The following COL17A1 variants were observed in gnomAD, a reference collection of about 807,000 sequenced individuals.
COL17A1 encodes the protein collagen type XVII alpha 1 chain.
COL17A1 carries 181 observed loss-of-function variants against 218.4 expected under a neutral mutation model. That is an observed-to-expected ratio of 0.83 (90% CI 0.73 to 0.94). The LOEUF (loss-of-function observed/expected upper bound fraction) is 0.94. Ranked by LOEUF, COL17A1 falls within the 40% of genes least tolerant of loss-of-function variation. COL17A1 has a pLI of 0.00. For synonymous variants in COL17A1, 721 were observed against 731.0 expected, an observed-to-expected ratio of 0.99 and a Z score of 0.22; for missense variants, 1,924 against 1,945.9, an observed-to-expected ratio of 0.99 and a Z score of 0.21.
At chr10:104,041,209 A>G (rs1210495054) in intron 38 of COL17A1, 91 bp from the exon 39 acceptor site, 4 of 1,608,366 alleles carry the variant, frequency 2.5e-6, no homozygotes, top group Admixed American at 1.7e-5. Flanking sequence ...GCTCTTTCCT[A>G]TAAGCCAGCC....
At chr10:104,033,204 G>A (rs769908993) in intron 53 of COL17A1, 34 bp downstream of exon 53, 4 of 1,570,422 alleles carry the variant, frequency 2.5e-6, no homozygotes, top group Non-Finnish European at 2.6e-6. Context: ...TATGCAGTGA[G>A]GCAGGTGCTG....
chr10:104,041,279 C>T, intron 38 of COL17A1, 24 bp downstream of exon 38: 1 of 1,603,864 alleles, frequency 6.2e-7, no homozygotes, highest in Non-Finnish European at 8.5e-7. Context: ...CCTCCCACCT[C>T]CCAGTGGTAA....
At chr10:104,038,961 A>C in intron 44 of COL17A1, 110 bp downstream of exon 44, 1 of 1,262,604 alleles carries the variant, frequency 7.9e-7, no homozygotes, top group South Asian at 1.2e-5. Flanking sequence ...ACAGCCAATC[A>C]ACAACGAATC....
At chr10:104,056,441 G>T (rs1472817290) in intron 17 of COL17A1, among the ~76,000 whole-genome samples, 3 of 152,106 alleles carry the variant, frequency 2.0e-5, no homozygotes, top group African/African-American at 7.2e-5. Context: ...AATTAGCCAG[G>T]TGTGGTGACA....
rs962796139 is a variant in COL17A1 at position 104,044,100 on chromosome 10, G to C, written c.2399-240C>G. Among the ~76,000 whole-genome samples the C allele has an allele frequency of 3.9e-5, 6 of 152,364 alleles. No homozygotes were observed. The South Asian group carries it at 1.2e-3, about 32-fold the overall frequency. On this transcript the variant is annotated intron_variant, in intron 33 of 55. Coordinates refer to ENST00000648076, the MANE Select transcript of COL17A1 (RefSeq NM_000494.4). The stretch of plus-strand genomic sequence containing the variant: ...ATTCAGAGAAGTGGCTTCACTTGAG[G>C]ATGTGGAAAGCTTGCCTTTCAGTGA...
intron 33 of COL17A1, among the ~76,000 whole-genome samples, chr10:104,045,441 G>A (rs1382413377): frequency 1.3e-5 from 2 of 152,192 alleles, no homozygotes; most frequent in Non-Finnish European, 2.9e-5. Context: ...GCATTTAGAG[G>A]CAAAACAGGG....
chr10:104,075,400 T>C (rs1332039876), intron 5 of COL17A1, among the ~76,000 whole-genome samples: 1 of 151,876 alleles, frequency 6.6e-6, no homozygotes, highest in African/African-American at 2.4e-5. Context: ...ACCCAACCTG[T>C]GTGTGAAGCC....
chr10:104,053,165 C>T (rs2134611178), intron 22 of COL17A1, 30 bp from the exon 23 acceptor site: 1 of 1,608,706 alleles, frequency 6.2e-7, no homozygotes, highest in Non-Finnish European at 8.5e-7. Context: ...GCCTCCAAGT[C>T]AGGATCCCGT....
chr10:104,035,649 G>T, intron 48 of COL17A1, 86 bp from the exon 49 acceptor site: 1 of 1,059,440 alleles, frequency 9.4e-7, no homozygotes, highest in Non-Finnish European at 1.4e-6. Context: ...AAGAGGTTTG[G>T]ACAGAAGTGG....
At chr10:104,054,231 C>T in intron 20 of COL17A1, 113 bp from the exon 21 acceptor site, 2 of 993,542 alleles carry the variant, frequency 2.0e-6, no homozygotes, top group South Asian at 1.4e-5. Context: ...AATAAAAATG[C>T]AGATGTCCAG....
chr10:104,069,215 A>G (rs898896989), intron 9 of COL17A1, among the ~76,000 whole-genome samples: 1 of 152,236 alleles, frequency 6.6e-6, no homozygotes, highest in Non-Finnish European at 1.5e-5. Flanking sequence ...TAAAGTATCT[A>G]CTGGTAATGG....
rs2086462621 is a variant in COL17A1, at chr10:104,050,882, C to T, written c.2058G>A (p.Gly686=). ...QGPPGPVGLQ[G]LRGEVGLPGV... ...CAGGAAGTCCTACTTCACCTCGGAG[C>T]CCTTGGAGACCTACAGGACCTGCCC... The change falls in exon 26 of 56, where the codon GGG becomes GGA. Residue 686 remains glycine, a synonymous_variant. Transcript: ENST00000648076. 2.5e-6 allele frequency: 4 copies of T among 1,614,152 alleles called. No homozygotes were observed. Among genetic ancestry groups the T allele is most frequent in the Admixed American group, 1.7e-5 (1 of 60,020 alleles).
chr10:104,039,082 C>A lies in COL17A1; in HGVS notation c.2936G>T (p.Gly979Val). 6.2e-7 allele frequency: 1 copy of A among 1,614,098 alleles called. No homozygotes were observed. The highest frequency in any genetic ancestry group is 8.5e-7 in the Non-Finnish European group (1 of 1,179,974). ...GVPGALGIPS[G>V]PSEGGSSSTM... ...CTTTCAGTTCTTACCTTCAGAAGGA[C>A]CACTAGGAATGCCAAGAGCCCCTGG... The change falls in exon 44 of 56, where the codon GGT (glycine) becomes GTT (valine). Residue 979 changes from glycine (G) to valine (V), a missense_variant. By Grantham distance (109) the Gly-to-Val change is moderately radical. Transcript: ENST00000648076.
In COL17A1 at chr10:104,031,877, T is replaced by G. The variant is rs150620736; in HGVS notation, c.*358A>C. ...ATCCTCCGTTTTCTGGGCTCATATT[T>G]AGGTAAAGCTCTAAGACTCCTGAGC... On this transcript the variant is annotated 3_prime_UTR_variant, in exon 56 of 56. Transcript: ENST00000648076. The G allele has an allele frequency of 6.0e-6, 2 of 332,672 alleles. No individual in the cohort carries two copies. The highest frequency in any genetic ancestry group is 8.6e-5 in the Admixed American group (2 of 23,336). 20.6% of individuals were successfully genotyped at this position (332,672 alleles called of 1,614,324 possible).
chr10:104,042,281 G>T (rs2086367834), intron 36 of COL17A1, 139 bp downstream of exon 36: 1 of 863,506 alleles, frequency 1.2e-6, no homozygotes, highest in East Asian at 2.6e-5. Context: ...CAAGACCCCG[G>T]TGAAGAGCCC....
intron 1 of COL17A1, among the ~76,000 whole-genome samples, chr10:104,081,170 A>C (rs1033407898): frequency 8.5e-5 from 13 of 152,194 alleles, no homozygotes; most frequent in African/African-American, 3.1e-4. Context: ...GGAGGTAAGA[A>C]TGGCACTTGA....
chr10:104,038,365 C>T (rs1314649105), intron 45 of COL17A1, 41 bp downstream of exon 45: 16 of 1,612,454 alleles, frequency 9.9e-6, no homozygotes, highest in African/African-American at 1.3e-5. Flanking sequence ...ACTGTATCTC[C>T]ATGTTCTTGT....
intron 24 of COL17A1, among the ~76,000 whole-genome samples, 193 bp downstream of exon 24, chr10:104,051,962 T>C (rs2086473650): frequency 6.6e-6 from 1 of 152,146 alleles, no homozygotes. Context: ...GGGGCTAAAC[T>C]TACAGCCCTA....
chr10:104,039,618 G>C lies in COL17A1; in HGVS notation c.2811C>G (p.Phe937Leu), dbSNP rs757710689. The C allele has an allele frequency of 6.2e-7, 1 of 1,614,172 alleles. No homozygotes were observed. Among genetic ancestry groups the C allele is most frequent in the South Asian group, 1.1e-5 (1 of 91,086 alleles). ...GHQGEQGLPG[F>L]STSGSSSFGL... ...GGGTTCAGCCCTTACCTGAGGTTGA[G>C]AAACCTGGGAGGCCTTGCTCGCCTG... The change falls in exon 42 of 56, where the codon TTC (phenylalanine) becomes TTG (leucine). Residue 937 changes from phenylalanine to leucine, a missense_variant. Physicochemically the swap from Phe to Leu is conservative, Grantham distance 22. Transcript: ENST00000648076.
Sources: allele counts gnomAD v4.1 joint callset (sites outside exome capture counted in the v4.1 genomes callset), GRCh38; gene constraint gnomAD v4.1.1; transcripts MANE v1.5; gene names NCBI Gene and HGNC (gene_info 2026-07-23, HGNC 2026-07-21).